PALD1: variants seen among roughly 807,000 people sequenced by gnomAD.
PALD1 encodes paladin.
In PALD1, 57 loss-of-function variants were observed where a neutral mutation model predicts 96.0. That is an observed-to-expected ratio of 0.59 (90% CI 0.48 to 0.74). PALD1 has a LOEUF of 0.74. Among genes scored for constraint, PALD1 ranks in the 30% least tolerant of loss-of-function variants. The pLI is 0.00. For missense variants in PALD1, 1,063 were observed against 1,143.7 expected, an observed-to-expected ratio of 0.93 and a Z score of 1.02; for synonymous variants, 464 against 473.6, an observed-to-expected ratio of 0.98 and a Z score of 0.26.
chr10:70,562,913 G>A (rs2132448005), intron 18 of PALD1, among the ~76,000 whole-genome samples: 1 of 152,220 alleles, frequency 6.6e-6, no homozygotes, highest in African/African-American at 2.4e-5. Flanking sequence ...GAACCTAGAA[G>A]GGACCCTCTT....
the PALD1 span, among the ~76,000 whole-genome samples, chr10:70,467,050 C>T: frequency 7.2e-5 from 11 of 152,300 alleles, no homozygotes; most frequent in South Asian, 1.0e-3. Flanking sequence ...TCCTGACGGG[C>T]GGGCCTGGGG....
chr10:70,477,035 ACACATG>A (rs55703804), upstream of PALD1, among the ~76,000 whole-genome samples: 120,531 of 151,618 alleles, frequency 0.79, 49,264 homozygotes, highest in East Asian at 0.93. Context: ...ATGTGTGCAT[ACACATG>A]CACATGTATG....
chr10:70,543,444 T>C (rs1042038113), intron 17 of PALD1, among the ~76,000 whole-genome samples: 1 of 152,200 alleles, frequency 6.6e-6, no homozygotes, highest in African/African-American at 2.4e-5. Context: ...ATCCAAGAAA[T>C]CATTGCCAAC....
intron 17 of PALD1, among the ~76,000 whole-genome samples, chr10:70,546,118 T>A (rs1412397149): frequency 3.9e-5 from 6 of 151,936 alleles, no homozygotes; most frequent in Non-Finnish European, 8.8e-5. Flanking sequence ...GTGCCTGTAA[T>A]CCCAGCTACT....
chr10:70,476,283 G>C (rs1845821800), upstream of PALD1, among the ~76,000 whole-genome samples: 1 of 152,230 alleles, frequency 6.6e-6, no homozygotes, highest in Non-Finnish European at 1.5e-5. Context: ...CTTTCGTTCT[G>C]CCTGGGGCTG....
intron 1 of PALD1, among the ~76,000 whole-genome samples, chr10:70,511,957 G>A (rs1375378205): frequency 6.6e-6 from 1 of 152,150 alleles, no homozygotes; most frequent in Non-Finnish European, 1.5e-5. Context: ...AACCTGGGAG[G>A]CGGAGGTTGC....
At chr10:70,467,278 C>T in the PALD1 span, among the ~76,000 whole-genome samples, 3 of 151,856 alleles carry the variant, frequency 2.0e-5, no homozygotes, top group African/African-American at 7.3e-5. Flanking sequence ...AGGTTCCCAC[C>T]AGCCTTTGAA....
intron 1 of PALD1, among the ~76,000 whole-genome samples, chr10:70,495,381 GT>G (rs375411057): frequency 1.6e-4 from 24 of 152,314 alleles, no homozygotes; most frequent in African/African-American, 4.3e-4. Context: ...CTCCATGAGG[GT>G]CCGGGTCTGT....
At chr10:70,475,715 TGGGGTTCCCACAGCTCATGTTTTTGCCCA>T (rs1023446911), upstream of PALD1, among the ~76,000 whole-genome samples, 4 of 152,216 alleles carry the variant, frequency 2.6e-5, no homozygotes, top group Non-Finnish European at 5.9e-5. Context: ...GGAGGGAATC[TGGGGTTCCCACAGCTCATGTTTTTGCCCA>T]GGAACTGAAC....
intron 3 of PALD1, 29 bp from the exon 4 acceptor site, chr10:70,529,860 G>A (rs1442408430): frequency 1.2e-6 from 2 of 1,608,036 alleles, no homozygotes; most frequent in African/African-American, 1.3e-5. Context: ...AGCCATCTGA[G>A]TGACCTTCCT....
chr10:70,548,724 C>G (rs539329860), intron 18 of PALD1, among the ~76,000 whole-genome samples: 2 of 152,362 alleles, frequency 1.3e-5, no homozygotes, highest in South Asian at 4.1e-4. Flanking sequence ...CCCAAGCCAG[C>G]CCTATGCTCG....
intron 2 of PALD1, 21 bp from the exon 3 acceptor site, chr10:70,529,208 G>GCTCCCCC: frequency 3.7e-6 from 1 of 273,318 alleles, no homozygotes; most frequent in South Asian, 2.5e-5. Context: ...TTTCCATTCT[G>GCTCCCCC]CCCCCCCCCC....
In PALD1 at chr10:70,539,564, T is replaced by G; in HGVS notation, c.1726-16T>G. The G allele has an allele frequency of 6.3e-7, 1 of 1,596,178 alleles. No homozygotes were observed. ...CTGCCCCAGTGGCCTGTGTCCTCCC[T>G]CCTGCCCTTGCCCAGACCCTGGAGG... On this transcript the variant is annotated splice_polypyrimidine_tract_variant and intron_variant, in intron 14 of 19. Transcript: ENST00000263563. The surrounding 1 kb of genome is among the most constrained non-coding windows in gnomAD (Gnocchi z 4.5).
intron 1 of PALD1, among the ~76,000 whole-genome samples, chr10:70,522,651 A>G (rs1203284712): frequency 1.3e-5 from 2 of 152,108 alleles, no homozygotes; most frequent in African/African-American, 4.8e-5. Flanking sequence ...GGCATAAACA[A>G]TTCACCAACT....
chr10:70,545,695 C>G (rs1385341781), intron 17 of PALD1, among the ~76,000 whole-genome samples: 1 of 151,958 alleles, frequency 6.6e-6, no homozygotes, highest in Non-Finnish European at 1.5e-5. Flanking sequence ...ACCTCGGCCT[C>G]CCAAAGTGCT....
chr10:70,463,908 A>G, the PALD1 span, among the ~76,000 whole-genome samples: 10 of 152,210 alleles, frequency 6.6e-5, no homozygotes, highest in Non-Finnish European at 1.3e-4. Context: ...ACACTTGACC[A>G]GTGTGGAAAG....
At chr10:70,467,165 G>A in the PALD1 span, among the ~76,000 whole-genome samples, 1 of 152,112 alleles carries the variant, frequency 6.6e-6, no homozygotes, top group Non-Finnish European at 1.5e-5. Flanking sequence ...GGTGTTGAGT[G>A]TTGAGAGAAA....
intron 18 of PALD1, among the ~76,000 whole-genome samples, chr10:70,556,279 C>CCTCCCTCTCTCT (rs527928462): frequency 2.3e-5 from 3 of 128,736 alleles, no homozygotes; most frequent in Non-Finnish European, 3.4e-5. Context: ...GTAGCCGAGA[C>CCTCCCTCTCTCT]CTCTCTCTCT....
chr10:70,462,760 G>A, the PALD1 span, among the ~76,000 whole-genome samples: 9 of 152,350 alleles, frequency 5.9e-5, no homozygotes, highest in Admixed American at 5.9e-4. Flanking sequence ...ATGGCAGCAG[G>A]TGACTGGGCC....
Sources: gnomAD v4.1 joint callset for allele counts (sites outside exome capture counted in the v4.1 genomes callset) on GRCh38, gnomAD v4.1.1 for gene constraint, Gnocchi (gnomAD v3.1) non-coding constraint, MANE v1.5 for transcripts, NCBI Gene and HGNC (gene_info 2026-07-23, HGNC 2026-07-21) for gene names.